Variants in BCAS3 observed in about 807,000 individuals in gnomAD.
The protein encoded by BCAS3 is BCAS3 microtubule associated cell migration factor, also known as BCAS4/BCAS3 fusion.
Under a neutral mutation model 116.1 loss-of-function variants are expected in BCAS3, and 53 were observed. The ratio of observed to expected loss-of-function variants is 0.46; its 90% CI spans 0.37 to 0.57. The LOEUF (loss-of-function observed/expected upper bound fraction) is 0.57. Ranked by LOEUF, BCAS3 falls within the 20% of genes least tolerant of loss-of-function variation. BCAS3 has a pLI of 0.00. For synonymous variants in BCAS3, 391 were observed against 408.2 expected (o/e 0.96, Z 0.51); for missense variants, 917 against 1,165.4 (o/e 0.79, Z 3.10).
chr17:60,990,237 T>C lies in BCAS3; in HGVS notation c.1486+2T>C. 6.2e-7 allele frequency: 1 copy of C among 1,611,764 alleles called. No homozygotes were observed. The highest frequency in any genetic ancestry group is 1.7e-5 in the Admixed American group (1 of 59,956). The stretch of plus-strand genomic sequence containing the variant: ...GCCCTTCTGGGTCACCCTTGCATGG[T>C]AATTTTCTCTGTCTCCACTGTTATC... On this transcript the variant is annotated splice_donor_variant, in intron 15 of 23. Coordinates refer to ENST00000407086, the MANE Select transcript of BCAS3 (RefSeq NM_017679.5). LOFTEE classifies it high-confidence loss of function. This position sits in a 1 kb window ranked among gnomAD's most constrained non-coding sequence, Gnocchi z 5.1.
intron 19 of BCAS3, among the ~76,000 whole-genome samples, chr17:61,042,046 T>A (rs1161055289): frequency 1.3e-5 from 2 of 152,072 alleles, no homozygotes; most frequent in African/African-American, 4.8e-5. Flanking sequence ...GTGTGTTGCC[T>A]ATGGCATCAC....
intron 6 of BCAS3, among the ~76,000 whole-genome samples, chr17:60,795,397 A>G (rs891987893): frequency 1.3e-5 from 2 of 152,088 alleles, no homozygotes; most frequent in African/African-American, 4.8e-5. Context: ...ACTGATTTGG[A>G]TGCTCTTTAT....
rs530791246 is a variant in BCAS3 at position 60,858,173 on chromosome 17, A to G, written c.477-10403A>G. 5.3e-5 allele frequency among the ~76,000 whole-genome samples: 8 copies of G among 152,216 alleles called. No homozygotes were observed. In the South Asian group the frequency reaches 1.5e-3, roughly 28 times the overall value. On this transcript the variant is annotated intron_variant, in intron 7 of 23. Transcript: ENST00000407086. ...CATAAATAATTTTTGCTTTGTGTCA[A>G]TTTTAGAGATTGAAGTTCAGGCTTA...
At chr17:61,166,039 T>C (rs1313467914) in intron 22 of BCAS3, among the ~76,000 whole-genome samples, 2 of 152,322 alleles carry the variant, frequency 1.3e-5, no homozygotes, top group East Asian at 1.9e-4. Flanking sequence ...ATAGCTAAAG[T>C]AGGTAATTGC....
chr17:61,087,942 G>A lies in BCAS3; in HGVS notation c.2425+3378G>A, dbSNP rs115553597. Among the ~76,000 whole-genome samples, 729 of 152,242 alleles carry A rather than the reference G, an allele frequency of 4.8e-3. 4 individuals are homozygous for A. The highest frequency in any genetic ancestry group is 0.017 in the African/African-American group (703 of 41,540). ...TCACAACTATAATCCTAGCACTTTG[G>A]GAGGCCGAAGCGGTGGATCACTTGA... On this transcript the variant is annotated intron_variant, in intron 22 of 23. Coordinates refer to ENST00000407086, the MANE Select transcript of BCAS3 (RefSeq NM_017679.5). This position sits in a 1 kb window ranked among gnomAD's most constrained non-coding sequence, Gnocchi z 4.6.
chr17:60,787,437 G>A (rs376127412), intron 6 of BCAS3, among the ~76,000 whole-genome samples: 1 of 152,078 alleles, frequency 6.6e-6, no homozygotes, highest in Non-Finnish European at 1.5e-5. Context: ...AATATAACAA[G>A]TTATCAGTTT....
intron 7 of BCAS3, among the ~76,000 whole-genome samples, chr17:60,857,823 G>C (rs558975848): frequency 1.2e-4 from 18 of 152,282 alleles, no homozygotes; most frequent in Non-Finnish European, 1.9e-4. Flanking sequence ...ATTAGTTGTT[G>C]AATGAGAGGT....
At chr17:60,796,922 T>G (rs1302553679) in intron 6 of BCAS3, among the ~76,000 whole-genome samples, 1 of 152,202 alleles carries the variant, frequency 6.6e-6, no homozygotes, top group Non-Finnish European at 1.5e-5. Flanking sequence ...TTTTACTTTT[T>G]TGAGACAGAG....
intron 22 of BCAS3, among the ~76,000 whole-genome samples, chr17:61,153,388 G>A (rs753776038): frequency 1.9e-4 from 29 of 152,088 alleles, no homozygotes; most frequent in Admixed American, 4.6e-4. Context: ...CTTGGTTCAC[G>A]TCTAGGCAAG....
intron 22 of BCAS3, among the ~76,000 whole-genome samples, chr17:61,193,255 C>T (rs11079422): frequency 0.61 from 92,920 of 151,852 alleles, 32,731 homozygotes; most frequent in South Asian, 0.85. Context: ...GAGGGAGACT[C>T]TGTTTCAAAA....
chr17:61,343,438 A>G lies in BCAS3; in HGVS notation c.2426-24889A>G, dbSNP rs2057315680. On this transcript the variant is annotated intron_variant, in intron 22 of 23. Coordinates refer to ENST00000407086, the MANE Select transcript of BCAS3 (RefSeq NM_017679.5). The surrounding 1 kb of genome is among the most constrained non-coding windows in gnomAD (Gnocchi z 5.5). ...CATGGTTTATAGCAACAGGGAGTGC[A>G]TCAGAATCACCTGATGAGCTTTTTA... Among the ~76,000 whole-genome samples, 1 of 152,242 alleles carries G rather than the reference A, an allele frequency of 6.6e-6. No homozygotes were observed. Among genetic ancestry groups the G allele is most frequent in the Non-Finnish European group, 1.5e-5 (1 of 68,044 alleles).
At chr17:60,799,563 C>G (rs2047544392) in intron 6 of BCAS3, among the ~76,000 whole-genome samples, 1 of 117,318 alleles carries the variant, frequency 8.5e-6, no homozygotes, top group Non-Finnish European at 1.6e-5. Flanking sequence ...GAGTCGTACT[C>G]TGTCACCCAG....
At chr17:61,152,266 T>G (rs1487900871) in intron 22 of BCAS3, among the ~76,000 whole-genome samples, 1 of 152,204 alleles carries the variant, frequency 6.6e-6, no homozygotes, top group Admixed American at 6.5e-5. Flanking sequence ...TCTGTTTTTG[T>G]CCTATCAGAG....
At chr17:60,815,445 A>AT (rs1218553401) in intron 7 of BCAS3, among the ~76,000 whole-genome samples, 5 of 152,144 alleles carry the variant, frequency 3.3e-5, no homozygotes, top group Non-Finnish European at 5.9e-5. Flanking sequence ...AAGTGTAATA[A>AT]TAAAAAAAAA....
chr17:60,765,744 C>G (rs778811349), intron 6 of BCAS3, among the ~76,000 whole-genome samples: 2 of 152,134 alleles, frequency 1.3e-5, no homozygotes, highest in African/African-American at 2.4e-5. Context: ...GCCTGCCTTG[C>G]TATGTTGGGG....
chr17:60,997,017 G>C (rs2145458591), intron 15 of BCAS3, among the ~76,000 whole-genome samples: 1 of 152,318 alleles, frequency 6.6e-6, no homozygotes, highest in East Asian at 1.9e-4. Context: ...ATGGGCCAGT[G>C]TGGGGAGGGG....
chr17:61,121,647 AAC>A (rs1399502811), intron 22 of BCAS3, among the ~76,000 whole-genome samples: 2 of 152,222 alleles, frequency 1.3e-5, no homozygotes. Context: ...TAGGATTATG[AAC>A]AGTTTTAATT....
rs1406930410 is a variant in BCAS3, at chr17:60,866,132, A to AT, written c.477-2428dup. ...TTGTATTGCTGGATTTTATTTGCTA[A>AT]TTTTTTTTTTTTTTTTGAGACAGAG... On this transcript the variant is annotated intron_variant, in intron 7 of 23. Transcript: ENST00000407086. Among the ~76,000 whole-genome samples, 972 of 142,638 alleles carry AT rather than the reference A, an allele frequency of 6.8e-3. 6 individuals carry two copies. The highest frequency in any genetic ancestry group is 0.011 in the Middle Eastern group (3 of 264). 93.6% of individuals were successfully genotyped at this position (142,638 alleles called of 152,430 possible). A position where few individuals can be genotyped will look rare whatever the true frequency, so the allele number is the denominator to read the frequency against.
At chr17:60,691,835 T>C (rs2034865090) in intron 4 of BCAS3, among the ~76,000 whole-genome samples, 1 of 152,004 alleles carries the variant, frequency 6.6e-6, no homozygotes, top group South Asian at 2.1e-4. Flanking sequence ...ATAATAACAA[T>C]TTGTTGGGTC....
Sources: allele counts gnomAD v4.1 joint callset (sites outside exome capture counted in the v4.1 genomes callset), GRCh38; gene constraint gnomAD v4.1.1; non-coding constraint Gnocchi (gnomAD v3.1); transcripts MANE v1.5; gene names NCBI Gene and HGNC (gene_info 2026-07-23, HGNC 2026-07-21).